TCF4: variants seen among roughly 807,000 people sequenced by gnomAD.
The protein encoded by TCF4 is SL3-3 enhancer factor 2.
In TCF4, 3 loss-of-function variants were observed where a neutral mutation model predicts 82.1. The ratio of observed to expected loss-of-function variants is 0.04; its 90% confidence interval spans 0.02 to 0.09. TCF4 has a LOEUF of 0.09. Among genes scored for constraint, TCF4 ranks in the 10% least tolerant of loss-of-function variants. The pLI is 1.00. For synonymous variants in TCF4, 276 were observed against 309.6 expected, an observed-to-expected ratio of 0.89 and a Z score of 1.14; for missense variants, 518 against 852.7, an observed-to-expected ratio of 0.61 and a Z score of 4.89.
rs200313394 is a variant in TCF4 at position 55,471,329 on chromosome 18, C to T, written c.146-7192G>A. Among the ~76,000 whole-genome samples the T allele has an allele frequency of 2.2e-4, 34 of 152,176 alleles. No individual in the cohort carries two copies. The East Asian group carries it at 4.8e-3, about 22-fold the overall frequency. ...GTGATCTGGGCACTAACAAGAAACT[C>T]GACAAGAAGCTTCCAGCACTTCCCA... is the stretch of plus-strand genomic sequence containing the variant. On this transcript the variant is annotated intron_variant, in intron 3 of 19. Transcript: ENST00000354452.
intron 3 of TCF4, among the ~76,000 whole-genome samples, chr18:55,537,151 A>G (rs942856780): frequency 1.3e-5 from 2 of 151,774 alleles, no homozygotes; most frequent in Non-Finnish European, 2.9e-5. Context: ...AAAAAAAAAA[A>G]AAAGTACTTG....
chr18:55,575,390 T>C (rs1048412736), intron 3 of TCF4, among the ~76,000 whole-genome samples: 4 of 152,210 alleles, frequency 2.6e-5, no homozygotes, highest in African/African-American at 9.6e-5. Context: ...TGTATGAAAT[T>C]GGATATTCAA....
intron 5 of TCF4, among the ~76,000 whole-genome samples, chr18:55,420,914 AAG>A (rs1556294708): frequency 2.0e-5 from 3 of 151,796 alleles, no homozygotes; most frequent in African/African-American, 7.3e-5. Flanking sequence ...AAAAAAAAAA[AAG>A]AAACATTATC....
intron 8 of TCF4, among the ~76,000 whole-genome samples, chr18:55,308,218 G>A (rs1206437373): frequency 6.6e-6 from 1 of 152,098 alleles, no homozygotes; most frequent in South Asian, 2.1e-4. Context: ...ATGGACAGAC[G>A]TTTTCATTTA....
chr18:55,442,147 T>TAC (rs2095448805), intron 5 of TCF4, among the ~76,000 whole-genome samples: 1 of 152,172 alleles, frequency 6.6e-6, no homozygotes, highest in Non-Finnish European at 1.5e-5. Flanking sequence ...AACAAGCACT[T>TAC]ACAATGAAGA....
At chr18:55,618,376 A>G (rs969254460) in intron 2 of TCF4, among the ~76,000 whole-genome samples, 1 of 151,962 alleles carries the variant, frequency 6.6e-6, no homozygotes, top group Non-Finnish European at 1.5e-5. Context: ...AGATTATCCA[A>G]TTTGTTGATA....
chr18:55,373,299 T>C (rs1183258508), intron 6 of TCF4, among the ~76,000 whole-genome samples: 1 of 151,996 alleles, frequency 6.6e-6, no homozygotes, highest in African/African-American at 2.4e-5. Context: ...AGAAAAAAGT[T>C]GGATATTTCA....
Position 55,279,662 on chromosome 18 carries a change from G to A in TCF4, c.550-6C>T. ...CTTGCTGATGGAGCATAGACCTGAG[G>A]AGAAAGAACCAACTGAGTTTTGCTT... On this transcript the variant is annotated splice_polypyrimidine_tract_variant and splice_region_variant and intron_variant, in intron 8 of 19. Transcript: ENST00000354452. 1 of 1,613,842 alleles carries A rather than the reference G, an allele frequency of 6.2e-7. No homozygotes were observed. Among genetic ancestry groups the A allele is most frequent in the Non-Finnish European group, 8.5e-7 (1 of 1,179,836 alleles).
At chr18:55,376,026 T>A (rs527317033) in intron 6 of TCF4, among the ~76,000 whole-genome samples, 2 of 148,056 alleles carry the variant, frequency 1.4e-5, no homozygotes, top group Non-Finnish European at 3.0e-5. Context: ...TCCTTTTTTT[T>A]TTTTTTTTTT....
intron 8 of TCF4, among the ~76,000 whole-genome samples, chr18:55,309,724 C>A (rs1240457305): frequency 6.6e-6 from 1 of 152,124 alleles, no homozygotes; most frequent in Non-Finnish European, 1.5e-5. Context: ...GAGTTAAATA[C>A]CACACAGGCA....
intron 3 of TCF4, among the ~76,000 whole-genome samples, chr18:55,570,304 T>C (rs1479401328): frequency 1.3e-5 from 2 of 152,160 alleles, no homozygotes; most frequent in Non-Finnish European, 2.9e-5. Context: ...TAAGAAGGCT[T>C]TTCCAACCCT....
chr18:55,381,447 A>C (rs1788025), intron 6 of TCF4, among the ~76,000 whole-genome samples: 77,890 of 152,138 alleles, frequency 0.51, 21,889 homozygotes, highest in African/African-American at 0.77. Context: ...ATGCTGCAAT[A>C]GCTGAGCCTG....
intron 8 of TCF4, 122 bp downstream of exon 8, chr18:55,350,237 C>T: frequency 5.8e-6 from 6 of 1,026,094 alleles, no homozygotes; most frequent in South Asian, 1.3e-5. Context: ...TCTACCTCAT[C>T]CACCTTCTAG....
At chr18:55,424,325 C>T (rs1368949619) in intron 5 of TCF4, among the ~76,000 whole-genome samples, 2 of 152,150 alleles carry the variant, frequency 1.3e-5, no homozygotes, top group African/African-American at 2.4e-5. Context: ...TAAAGAAATT[C>T]CACAGCCTTT....
At chr18:55,518,498 A>C (rs1308954874) in intron 3 of TCF4, among the ~76,000 whole-genome samples, 6 of 152,216 alleles carry the variant, frequency 3.9e-5, no homozygotes. Flanking sequence ...AAAAATTCAG[A>C]ATGTAAACTA....
chr18:55,279,708 C>T (rs768047019), intron 8 of TCF4, 52 bp from the exon 9 acceptor site: 3 of 1,611,304 alleles, frequency 1.9e-6, no homozygotes, highest in Non-Finnish European at 1.7e-6. Flanking sequence ...CCACAGCAGC[C>T]CAAGCTCCAT....
intron 8 of TCF4, among the ~76,000 whole-genome samples, chr18:55,346,603 A>G (rs2144634958): frequency 6.6e-6 from 1 of 152,322 alleles, no homozygotes; most frequent in African/African-American, 2.4e-5. Flanking sequence ...AGAGATTCCA[A>G]CTGGGGTCAT....
At chr18:55,468,374 T>C (rs895962496) in intron 3 of TCF4, among the ~76,000 whole-genome samples, 1 of 152,108 alleles carries the variant, frequency 6.6e-6, no homozygotes, top group African/African-American at 2.4e-5. Context: ...ACACACAAAG[T>C]GTCCAGGAGA....
chr18:55,431,241 T>C (rs780007913), intron 5 of TCF4, among the ~76,000 whole-genome samples: 3 of 152,200 alleles, frequency 2.0e-5, no homozygotes, highest in Non-Finnish European at 4.4e-5. Context: ...CTCATCTAAA[T>C]TTGTGGAACC....
Sources: gnomAD v4.1 joint callset for allele counts (sites outside exome capture counted in the v4.1 genomes callset) on GRCh38, gnomAD v4.1.1 for gene constraint, MANE v1.5 for transcripts, NCBI Gene and HGNC (gene_info 2026-07-23, HGNC 2026-07-21) for gene names.